Variants in TMEM74 observed in about 807,000 individuals in gnomAD.
The protein encoded by TMEM74 is transmembrane protein 74.
TMEM74 carries 13 observed loss-of-function variants against 18.1 expected under a neutral mutation model. The ratio of observed to expected loss-of-function variants is 0.72; its 90% confidence interval spans 0.47 to 1.14. The LOEUF is 1.14. Ranked by LOEUF, TMEM74 falls within the 50% of genes most tolerant of loss-of-function variation. The pLI is 0.00. For synonymous variants in TMEM74, 159 were observed against 146.6 expected (o/e 1.08, Z -0.61); for missense variants, 372 against 375.9 (o/e 0.99, Z 0.09).
intron 1 of TMEM74, among the ~76,000 whole-genome samples, chr8:108,677,599 TTTTTCCAGAAATGCCTCAAACTTGACTG>T (rs1423747339): frequency 6.6e-6 from 1 of 152,028 alleles, no homozygotes; most frequent in Non-Finnish European, 1.5e-5. Flanking sequence ...AAAGATGACT[TTTTTCCAGAAATGCCTCAAACTTGACTG>T]TTTTCCAGAA....
At chr8:108,659,723 C>G (rs1812881071) in intron 1 of TMEM74, among the ~76,000 whole-genome samples, 1 of 152,176 alleles carries the variant, frequency 6.6e-6, no homozygotes, top group Admixed American at 6.6e-5. Context: ...CCTGCTCCAA[C>G]CTGTGTTGCC....
chr8:108,684,477 TG>T (rs1813148289), intron 1 of TMEM74, among the ~76,000 whole-genome samples: 1 of 151,998 alleles, frequency 6.6e-6, no homozygotes, highest in Non-Finnish European at 1.5e-5. Context: ...TTGCATATTC[TG>T]GATATTAATG....
At chr8:108,739,322 C>G (rs535205908) in intron 1 of TMEM74, among the ~76,000 whole-genome samples, 67 of 152,258 alleles carry the variant, frequency 4.4e-4, no homozygotes, top group African/African-American at 1.5e-3. Flanking sequence ...GCAATACAGT[C>G]TCATGGTGCA....
At chr8:108,653,536 G>T (rs1044072915) in intron 2 of TMEM74, among the ~76,000 whole-genome samples, 4 of 152,044 alleles carry the variant, frequency 2.6e-5, no homozygotes, top group Admixed American at 1.3e-4. Context: ...AAAAGTTTAT[G>T]TAACAAGGAA....
At chr8:108,725,839 T>G (rs1813632047) in intron 1 of TMEM74, among the ~76,000 whole-genome samples, 1 of 152,170 alleles carries the variant, frequency 6.6e-6, no homozygotes, top group Non-Finnish European at 1.5e-5. Flanking sequence ...AATTTGAGAT[T>G]TATTTTTCAC....
Position 108,782,687 on chromosome 8 carries a change from A to T in TMEM74, c.*1494T>A, listed in dbSNP as rs376176055. Reference sequence around the variant, plus strand: ...ATAGCCTTTAAAAATCTGCAAAGAAATCACTTTCTTACTTCCTCATTCCTG... The same window carrying T: ...ATAGCCTTTAAAAATCTGCAAAGAATTCACTTTCTTACTTCCTCATTCCTG... On this transcript the variant is annotated 3_prime_UTR_variant, in exon 2 of 2. Coordinates refer to ENST00000297459, the MANE Select transcript of TMEM74 (RefSeq NM_153015.3). Among the ~76,000 whole-genome samples, 43 of 152,334 alleles carry T rather than the reference A, an allele frequency of 2.8e-4. No homozygotes were observed. The East Asian group carries it at 3.3e-3, about 12-fold the overall frequency.
At chr8:108,726,596 T>A (rs1813641014) in intron 1 of TMEM74, among the ~76,000 whole-genome samples, 2 of 152,152 alleles carry the variant, frequency 1.3e-5, no homozygotes, top group African/African-American at 4.8e-5. Context: ...GATTCACGAA[T>A]CTTATCAGTA....
chr8:108,701,155 G>T (rs1399965724), intron 1 of TMEM74, among the ~76,000 whole-genome samples: 1 of 147,554 alleles, frequency 6.8e-6, no homozygotes, highest in East Asian at 2.2e-4. Context: ...CACAATAAAT[G>T]CAGAATAAGC....
chr8:108,610,979 T>G (rs1812328548), intron 2 of TMEM74, among the ~76,000 whole-genome samples: 1 of 152,220 alleles, frequency 6.6e-6, no homozygotes. Flanking sequence ...GGATGAATGG[T>G]GCTCAGAGAG....
At chr8:108,751,034 C>T (rs1586284119) in intron 1 of TMEM74, among the ~76,000 whole-genome samples, 1 of 152,204 alleles carries the variant, frequency 6.6e-6, no homozygotes, top group African/African-American at 2.4e-5. Flanking sequence ...GCTACCGACC[C>T]GTATGGATTC....
intron 1 of TMEM74, among the ~76,000 whole-genome samples, chr8:108,759,374 T>G (rs761930166): frequency 6.6e-6 from 1 of 152,154 alleles, no homozygotes; most frequent in Non-Finnish European, 1.5e-5. Context: ...TACCTATTAT[T>G]CATCAATTAT....
intron 1 of TMEM74, among the ~76,000 whole-genome samples, chr8:108,757,490 T>A (rs1387828554): frequency 1.3e-5 from 2 of 152,104 alleles, no homozygotes; most frequent in South Asian, 2.1e-4. Context: ...ATTTATTCTT[T>A]GCTGTTTTTT....
chr8:108,673,734 C>G (rs1424094784), intron 1 of TMEM74, among the ~76,000 whole-genome samples: 1 of 152,146 alleles, frequency 6.6e-6, no homozygotes, highest in Non-Finnish European at 1.5e-5. Flanking sequence ...AAAGAAAGTA[C>G]TGTGGGAAAT....
chr8:108,766,043 A>G (rs1349637206), intron 1 of TMEM74, among the ~76,000 whole-genome samples: 4 of 152,204 alleles, frequency 2.6e-5, no homozygotes, highest in African/African-American at 4.8e-5. Context: ...CAATGAAAAT[A>G]CTTGCATTTA....
intron 1 of TMEM74, among the ~76,000 whole-genome samples, chr8:108,696,512 G>A (rs1291078988): frequency 6.6e-6 from 1 of 152,192 alleles, no homozygotes; most frequent in Non-Finnish European, 1.5e-5. Context: ...AATAGCGGTA[G>A]CAAATTGAAA....
chr8:108,694,733 A>T (rs1813263844), intron 1 of TMEM74, among the ~76,000 whole-genome samples: 1 of 152,244 alleles, frequency 6.6e-6, no homozygotes, highest in African/African-American at 2.4e-5. Flanking sequence ...GAATGTTTAT[A>T]GAGATTTATT....
At chr8:108,632,064 C>T (rs1812558018) in intron 2 of TMEM74, among the ~76,000 whole-genome samples, 1 of 151,836 alleles carries the variant, frequency 6.6e-6, no homozygotes. Flanking sequence ...AACAGAAGGC[C>T]ACAGTAGAGA....
intron 1 of TMEM74, among the ~76,000 whole-genome samples, chr8:108,667,450 C>T (rs1360869227): frequency 1.3e-5 from 2 of 152,096 alleles, no homozygotes; most frequent in East Asian, 1.9e-4. Context: ...TGATGAGTCA[C>T]TCTTTTTCAC....
chr8:108,715,152 T>C (rs1033792961), intron 1 of TMEM74, among the ~76,000 whole-genome samples: 3 of 152,164 alleles, frequency 2.0e-5, no homozygotes, highest in Admixed American at 2.0e-4. Flanking sequence ...AATTTTTATG[T>C]TATGCCATTT....
Sources: gnomAD v4.1 joint callset for allele counts (sites outside exome capture counted in the v4.1 genomes callset) on GRCh38, gnomAD v4.1.1 for gene constraint, MANE v1.5 for transcripts, NCBI Gene and HGNC (gene_info 2026-07-23, HGNC 2026-07-21) for gene names.